The following CTNNA3 variants were observed in gnomAD, a reference collection of about 807,000 sequenced individuals.
CTNNA3 encodes the protein catenin alpha-3.
A neutral mutation model predicts 95.7 loss-of-function variants in CTNNA3; 76 were observed. The ratio of observed to expected loss-of-function variants is 0.79; its 90% confidence interval spans 0.66 to 0.96. CTNNA3 has a LOEUF of 0.96. Ranked by LOEUF, CTNNA3 falls within the 40% of genes least tolerant of loss-of-function variation. The pLI is 0.00. For synonymous variants in CTNNA3, 431 were observed against 374.4 expected, an observed-to-expected ratio of 1.15 and a Z score of -1.74; for missense variants, 1,191 against 1,089.8, an observed-to-expected ratio of 1.09 and a Z score of -1.31.
At chr10:65,994,384 A>G (rs115404258) in intron 15 of CTNNA3, among the ~76,000 whole-genome samples, 1 of 151,814 alleles carries the variant, frequency 6.6e-6, no homozygotes, top group Non-Finnish European at 1.5e-5. Flanking sequence ...TCTTTTTTAT[A>G]GCTGAAGGAT....
chr10:67,537,309 C>G (rs1840516309), intron 4 of CTNNA3, among the ~76,000 whole-genome samples: 1 of 152,004 alleles, frequency 6.6e-6, no homozygotes, highest in Non-Finnish European at 1.5e-5. Context: ...TTCCTGTTTC[C>G]TTGAGCAAGT....
At chr10:67,738,294 C>A (rs1841314489) in intron 1 of CTNNA3, among the ~76,000 whole-genome samples, 2 of 152,146 alleles carry the variant, frequency 1.3e-5, no homozygotes, top group African/African-American at 4.8e-5. Flanking sequence ...GCTGGTGATA[C>A]CCAGGCAAAC....
intron 11 of CTNNA3, among the ~76,000 whole-genome samples, chr10:66,394,522 A>G (rs2092959292): frequency 6.7e-6 from 1 of 149,010 alleles, no homozygotes; most frequent in Admixed American, 6.8e-5. Flanking sequence ...CTGAGAACCT[A>G]TTAACATCTA....
At position 67,069,696 on chromosome 10, in the gene CTNNA3, ATGT is replaced by A. The variant is rs1355146756; in HGVS notation, c.1047+110618_1047+110620del. The stretch of plus-strand genomic sequence containing the variant: ...TCAGTATATACTCTGTTGTGTCTGA[ATGT>A]TGTGTCTCACTCAACATTATGTTTA... On this transcript the variant is annotated intron_variant, in intron 7 of 17. Coordinates refer to ENST00000433211, the MANE Select transcript of CTNNA3 (RefSeq NM_013266.4). Among the ~76,000 whole-genome samples the A allele has an allele frequency of 5.3e-4, 81 of 151,968 alleles. 1 individual carries two copies. Among genetic ancestry groups the A allele is most frequent in the Non-Finnish European group, 1.8e-4 (12 of 67,974 alleles).
chr10:66,481,966 AAG>A (rs150428645), intron 11 of CTNNA3, among the ~76,000 whole-genome samples: 2,306 of 152,212 alleles, frequency 0.015, 36 homozygotes, highest in East Asian at 0.067. Context: ...AAGAAAAAAA[AAG>A]AGAGACATGA....
chr10:67,521,715 C>T, intron 5 of CTNNA3, 127 bp downstream of exon 5: 1 of 1,215,068 alleles, frequency 8.2e-7, no homozygotes, highest in South Asian at 1.7e-5. Flanking sequence ...ATCAGCACAG[C>T]ACAACCTGTA....
At chr10:66,334,805 C>A (rs2092375838) in intron 12 of CTNNA3, among the ~76,000 whole-genome samples, 1 of 152,112 alleles carries the variant, frequency 6.6e-6, no homozygotes, top group Non-Finnish European at 1.5e-5. Context: ...GGAAGTTCTC[C>A]TGGATAATAT....
At chr10:66,264,684 A>T (rs1254110012) in intron 13 of CTNNA3, among the ~76,000 whole-genome samples, 4 of 151,960 alleles carry the variant, frequency 2.6e-5, no homozygotes, top group Non-Finnish European at 5.9e-5. Flanking sequence ...AGTCACATGT[A>T]ACTACTATAT....
At chr10:66,139,750 C>CAGCT in intron 13 of CTNNA3, among the ~76,000 whole-genome samples, 1 of 152,120 alleles carries the variant, frequency 6.6e-6, no homozygotes. Flanking sequence ...AAGCATTATA[C>CAGCT]AGCTCTGGGC....
chr10:66,978,523 T>C (rs1480660286), intron 7 of CTNNA3, among the ~76,000 whole-genome samples: 1 of 32,088 alleles, frequency 3.1e-5, no homozygotes, highest in Non-Finnish European at 5.5e-5. Flanking sequence ...TGAGACTCCA[T>C]CTCAAAAAAA....
intron 11 of CTNNA3, among the ~76,000 whole-genome samples, chr10:66,499,806 C>CT (rs34040723): frequency 0.36 from 51,051 of 140,626 alleles, 9,904 homozygotes; most frequent in Non-Finnish European, 0.44. Flanking sequence ...GTTGCATTTC[C>CT]TTTTTTTTTT....
chr10:66,293,079 G>T (rs948206958), intron 12 of CTNNA3, among the ~76,000 whole-genome samples: 1 of 152,070 alleles, frequency 6.6e-6, no homozygotes, highest in Non-Finnish European at 1.5e-5. Context: ...CAAAACTAAG[G>T]TTCAGTCAGA....
At chr10:67,227,317 C>T (rs571871504) in intron 5 of CTNNA3, among the ~76,000 whole-genome samples, 2 of 152,198 alleles carry the variant, frequency 1.3e-5, no homozygotes, top group Non-Finnish European at 2.9e-5. Flanking sequence ...TCTTGAACTC[C>T]CAACCTCAGG....
intron 9 of CTNNA3, among the ~76,000 whole-genome samples, chr10:66,744,784 T>C (rs900517323): frequency 2.6e-5 from 4 of 152,184 alleles, no homozygotes; most frequent in Non-Finnish European, 5.9e-5. Flanking sequence ...TCAGTGTAAT[T>C]AAGCCTCTTT....
chr10:66,683,248 T>C (rs186991781), intron 9 of CTNNA3, among the ~76,000 whole-genome samples: 115 of 152,294 alleles, frequency 7.6e-4, no homozygotes, highest in African/African-American at 2.5e-3. Context: ...TAGCCAAACT[T>C]TAGAAGTATT....
intron 5 of CTNNA3, among the ~76,000 whole-genome samples, chr10:67,257,434 GTTC>G (rs1463105376): frequency 1.3e-5 from 2 of 152,202 alleles, no homozygotes; most frequent in Non-Finnish European, 1.5e-5. Flanking sequence ...CCTGAGCAGT[GTTC>G]TTGTTTCTAA....
intron 11 of CTNNA3, among the ~76,000 whole-genome samples, chr10:66,495,923 G>T (rs1001543225): frequency 6.6e-6 from 1 of 152,044 alleles, no homozygotes; most frequent in African/African-American, 2.4e-5. Context: ...CTCCCAAAGT[G>T]CTGGGATTAC....
intron 9 of CTNNA3, among the ~76,000 whole-genome samples, chr10:66,651,370 C>T (rs1845891231): frequency 6.6e-6 from 1 of 152,172 alleles, no homozygotes; most frequent in African/African-American, 2.4e-5. Context: ...TCTCCAAGTC[C>T]CCACCTGACT....
At chr10:66,029,198 C>T (rs891279825) in intron 15 of CTNNA3, among the ~76,000 whole-genome samples, 54 of 152,094 alleles carry the variant, frequency 3.6e-4, no homozygotes, top group African/African-American at 1.3e-3. Context: ...TGGATATTTG[C>T]TTCTTACATT....
Sources: gnomAD v4.1 joint callset for allele counts (sites outside exome capture counted in the v4.1 genomes callset) on GRCh38, gnomAD v4.1.1 for gene constraint, MANE v1.5 for transcripts, NCBI Gene and HGNC (gene_info 2026-07-23, HGNC 2026-07-21) for gene names.